MEGF11: variants seen among roughly 807,000 people sequenced by gnomAD.
MEGF11 encodes the protein multiple epidermal growth factor-like domains protein 11.
MEGF11 carries 126 observed loss-of-function variants against 146.6 expected under a neutral mutation model. The observed-to-expected ratio is 0.86, with a 90% CI of 0.74 to 1.00. The LOEUF is 1.00. Ranked by LOEUF, MEGF11 falls within the 50% of genes least tolerant of loss-of-function variation. The pLI is 0.00. For missense variants in MEGF11, 1,509 were observed against 1,521.2 expected, an observed-to-expected ratio of 0.99 and a Z score of 0.13; for synonymous variants, 532 against 583.4, an observed-to-expected ratio of 0.91 and a Z score of 1.27.
chr15:65,959,105 A>G (rs1053884790), intron 9 of MEGF11, among the ~76,000 whole-genome samples: 2 of 152,210 alleles, frequency 1.3e-5, no homozygotes, highest in Admixed American at 6.5e-5. Flanking sequence ...TCCTCTAAAT[A>G]TAATTATCTT....
intron 1 of MEGF11, among the ~76,000 whole-genome samples, chr15:66,209,976 C>T (rs2091403404): frequency 6.6e-6 from 1 of 152,112 alleles, no homozygotes; most frequent in Admixed American, 6.6e-5. Context: ...TGTACCACCA[C>T]ACCTGGCTAA....
chr15:66,171,504 G>T (rs1024231020), intron 1 of MEGF11, among the ~76,000 whole-genome samples: 18 of 152,256 alleles, frequency 1.2e-4, no homozygotes, highest in Middle Eastern at 3.4e-3. Flanking sequence ...GGGGACATGG[G>T]TGGGGGTCCC....
intron 5 of MEGF11, among the ~76,000 whole-genome samples, chr15:66,009,246 T>TGC (rs2082625036): frequency 2.8e-5 from 4 of 145,192 alleles, no homozygotes; most frequent in Non-Finnish European, 6.1e-5. Flanking sequence ...CCTAAGTTTT[T>TGC]TTTTTTTTTT....
intron 1 of MEGF11, among the ~76,000 whole-genome samples, chr15:66,211,505 C>T (rs867396502): frequency 7.6e-4 from 102 of 134,168 alleles, no homozygotes; most frequent in Middle Eastern, 4.5e-3. Context: ...GCCTGGGTGA[C>T]AGAGTGAGAC....
chr15:66,011,632 C>T (rs2082713727), intron 5 of MEGF11, among the ~76,000 whole-genome samples: 1 of 152,106 alleles, frequency 6.6e-6, no homozygotes, highest in South Asian at 2.1e-4. Flanking sequence ...ATAGCACCTG[C>T]TTCGGAGGGT....
chr15:66,220,565 T>G, intron 1 of MEGF11, among the ~76,000 whole-genome samples: 1 of 142,276 alleles, frequency 7.0e-6, no homozygotes, highest in East Asian at 2.1e-4. Context: ...TGAGACAGGG[T>G]CTCACTCTGT....
chr15:66,251,883 G>A (rs751059670), intron 1 of MEGF11, among the ~76,000 whole-genome samples: 7 of 152,226 alleles, frequency 4.6e-5, no homozygotes, highest in Non-Finnish European at 1.0e-4. Context: ...GCAACGGAGA[G>A]AGCTGGTGCA....
chr15:66,091,249 C>G (rs966790205), intron 5 of MEGF11, among the ~76,000 whole-genome samples: 2 of 152,162 alleles, frequency 1.3e-5, no homozygotes, highest in Non-Finnish European at 2.9e-5. Flanking sequence ...CAGATAGACC[C>G]CCAAATAGCA....
chr15:65,921,534 T>G (rs1001259779), intron 15 of MEGF11, among the ~76,000 whole-genome samples: 5 of 152,224 alleles, frequency 3.3e-5, no homozygotes, highest in African/African-American at 1.2e-4. Context: ...GCATGGTCCA[T>G]GGAGCCTTCA....
At chr15:65,916,056 C>A (rs899283686) in intron 18 of MEGF11, 92 bp downstream of exon 18, 19 of 1,435,798 alleles carry the variant, frequency 1.3e-5, no homozygotes, top group Non-Finnish European at 1.8e-5. Context: ...GGTACAGAGC[C>A]CTGAGTGAGT....
rs2078717602 is a variant in MEGF11 at position 65,909,147 on chromosome 15, A to C, written c.2897-12T>G. The C allele has an allele frequency of 6.6e-7, 1 of 1,505,274 alleles. No homozygotes were observed. 93.2% of individuals were successfully genotyped at this position (1,505,274 alleles called of 1,614,324 possible). A position where few individuals can be genotyped will look rare whatever the true frequency, so the allele number is the denominator to read the frequency against. ...CTGGAAATGGGAGTCTAGTGAGAGG[A>C]ATGACAGGGAGGAGCCATTATTCCC... On this transcript the variant is annotated splice_polypyrimidine_tract_variant and intron_variant, in intron 22 of 25. Coordinates refer to ENST00000395614, the MANE Select transcript of MEGF11 (RefSeq NM_001385028.1).
intron 5 of MEGF11, among the ~76,000 whole-genome samples, chr15:66,063,071 A>G (rs890319872): frequency 6.6e-6 from 1 of 152,376 alleles, no homozygotes; most frequent in Middle Eastern, 3.4e-3. Context: ...CTAAGATGTC[A>G]CTGAACCATA....
chr15:65,970,299 G>A (rs1172156252), intron 8 of MEGF11, among the ~76,000 whole-genome samples: 1 of 152,168 alleles, frequency 6.6e-6, no homozygotes, highest in African/African-American at 2.4e-5. Flanking sequence ...GTGGGGGCAG[G>A]TGCTCACCTC....
chr15:65,935,702 G>A (rs545163188), intron 10 of MEGF11, among the ~76,000 whole-genome samples: 1 of 152,198 alleles, frequency 6.6e-6, no homozygotes, highest in Non-Finnish European at 1.5e-5. Flanking sequence ...CTGCCCTGAA[G>A]GAGTGTAACC....
chr15:66,128,323 C>T lies in MEGF11; in HGVS notation c.81G>A (p.Val27=). ...CACCTTACCTCTCCCAGTGGCTGCACACGTTGGGGTCCTCGGGGTTCAGGG... is the reference window on the plus strand; with the variant it reads ...CACCTTACCTCTCCCAGTGGCTGCATACGTTGGGGTCCTCGGGGTTCAGGG... ...TLALNPEDPN[V]CSHWESYAVT... is the part of the protein sequence containing the mutation. Residue 27 remains valine (V), a synonymous_variant, in exon 2 of 26, where the codon GTG becomes GTA. Transcript: ENST00000395614. 2.0e-6 allele frequency: 3 copies of T among 1,518,918 alleles called. No individual in the cohort carries two copies. The highest frequency in any genetic ancestry group is 1.3e-5 in the South Asian group (1 of 78,982). The allele number at this position is 1,518,918 out of a possible 1,614,324, so 94.1% of individuals were successfully genotyped here. A position where few individuals can be genotyped will look rare whatever the true frequency, so the allele number is the denominator to read the frequency against.
At chr15:66,172,212 G>C (rs1351666467) in intron 1 of MEGF11, among the ~76,000 whole-genome samples, 2 of 152,210 alleles carry the variant, frequency 1.3e-5, no homozygotes. Flanking sequence ...GGCAGGCAGG[G>C]GAGGCACTGT....
At chr15:66,222,194 C>G (rs1195540481) in intron 1 of MEGF11, among the ~76,000 whole-genome samples, 1 of 152,034 alleles carries the variant, frequency 6.6e-6, no homozygotes, top group Admixed American at 6.5e-5. Flanking sequence ...TTCAGCGTCC[C>G]CAACTCTGTG....
intron 1 of MEGF11, among the ~76,000 whole-genome samples, chr15:66,152,995 T>C (rs1333957896): frequency 6.6e-6 from 1 of 152,182 alleles, no homozygotes; most frequent in Non-Finnish European, 1.5e-5. Flanking sequence ...TCTCCGCTCC[T>C]TCCCTTCTCC....
At chr15:66,007,896 G>A (rs981951415) in intron 5 of MEGF11, among the ~76,000 whole-genome samples, 1 of 152,212 alleles carries the variant, frequency 6.6e-6, no homozygotes, top group African/African-American at 2.4e-5. Context: ...GTGGGCAAGG[G>A]TTGGGTATTG....
Sources: allele counts gnomAD v4.1 joint callset (sites outside exome capture counted in the v4.1 genomes callset), GRCh38; gene constraint gnomAD v4.1.1; transcripts MANE v1.5; gene names NCBI Gene and HGNC (gene_info 2026-07-23, HGNC 2026-07-21).